The following MGAT4C variants were observed in gnomAD, a reference collection of about 807,000 sequenced individuals.
MGAT4C encodes the protein alpha-1,3-mannosyl-glycoprotein 4-beta-N-acetylglucosaminyltransferase C.
A neutral mutation model predicts 40.1 loss-of-function variants in MGAT4C; 19 were observed. The ratio of observed to expected loss-of-function variants is 0.47; its 90% confidence interval spans 0.33 to 0.70. The LOEUF (loss-of-function observed/expected upper bound fraction) is 0.70, where lower values mean the gene tolerates loss of function less well. Among genes scored for constraint, MGAT4C ranks in the 30% least tolerant of loss-of-function variants. MGAT4C has a pLI of 0.02. For missense variants in MGAT4C, 491 were observed against 563.2 expected, an observed-to-expected ratio of 0.87 and a Z score of 1.30; for synonymous variants, 181 against 187.1, an observed-to-expected ratio of 0.97 and a Z score of 0.27.
chr12:86,093,621 G>C (rs998781316), intron 1 of MGAT4C, among the ~76,000 whole-genome samples: 1 of 151,992 alleles, frequency 6.6e-6, no homozygotes, highest in South Asian at 2.1e-4. Context: ...CCAGCTACTC[G>C]GGAGGTTGAG....
intron 2 of MGAT4C, among the ~76,000 whole-genome samples, chr12:86,448,833 A>C (rs1338388118): frequency 6.6e-6 from 1 of 152,232 alleles, no homozygotes; most frequent in Non-Finnish European, 1.5e-5. Flanking sequence ...ATGAATGTTA[A>C]AACATACATT....
Position 86,535,698 on chromosome 12 carries a change from G to A in MGAT4C, c.-228-100433C>T, listed in dbSNP as rs796890975. ...AATCTAAACAATTAATCCTCCTGGA[G>A]CATTCCAATGAAATCACTAATAAGG... On this transcript the variant is annotated intron_variant, in intron 2 of 7. Transcript: ENST00000548651. Among the ~76,000 whole-genome samples the A allele has an allele frequency of 2.0e-4, 31 of 152,148 alleles. 1 individual carries two copies. Among genetic ancestry groups the A allele is most frequent in the African/African-American group, 7.5e-4 (31 of 41,540 alleles).
In MGAT4C at chr12:86,367,367, A is replaced by C. The variant is rs371312373; in HGVS notation, c.-119-33240T>G. 1.6e-3 allele frequency among the ~76,000 whole-genome samples: 244 copies of C among 152,300 alleles called. 1 individual carries two copies. The highest frequency in any genetic ancestry group is 5.6e-3 in the African/African-American group (234 of 41,578). ...GCTAAGATAGGAAAGCTAAAAGCAG[A>C]ATCCAGTGTTGGGGAGTATGCCAGC... On this transcript the variant is annotated intron_variant, in intron 3 of 7. Coordinates refer to the MGAT4C transcript ENST00000548651.
intron 2 of MGAT4C, among the ~76,000 whole-genome samples, chr12:86,544,820 T>C (rs1327795626): frequency 1.3e-5 from 2 of 152,076 alleles, no homozygotes; most frequent in Admixed American, 6.6e-5. Context: ...TAGTAGTGAA[T>C]TGTAGCATGT....
intron 2 of MGAT4C, among the ~76,000 whole-genome samples, chr12:86,496,488 A>G (rs1286801258): frequency 8.1e-6 from 1 of 123,446 alleles, no homozygotes; most frequent in Non-Finnish European, 2.0e-5. Context: ...TACATTATAC[A>G]GAGTCATGAA....
At chr12:86,229,713 C>G (rs921323059) in intron 1 of MGAT4C, among the ~76,000 whole-genome samples, 4 of 151,858 alleles carry the variant, frequency 2.6e-5, no homozygotes, top group African/African-American at 9.7e-5. Context: ...AGATGAGCAT[C>G]TTAAAATGGA....
At chr12:86,631,963 C>T (rs954990210) in intron 2 of MGAT4C, among the ~76,000 whole-genome samples, 4 of 152,040 alleles carry the variant, frequency 2.6e-5, no homozygotes, top group Non-Finnish European at 5.9e-5. Context: ...TCAGAGTGAA[C>T]AGGCAACCTA....
At chr12:86,587,322 T>C (rs1423698756) in intron 2 of MGAT4C, among the ~76,000 whole-genome samples, 5 of 152,140 alleles carry the variant, frequency 3.3e-5, no homozygotes, top group Non-Finnish European at 7.4e-5. Context: ...ATCTCTGTTT[T>C]AGTACCAGTA....
intron 2 of MGAT4C, among the ~76,000 whole-genome samples, chr12:86,679,158 A>G (rs1327395339): frequency 6.6e-6 from 1 of 151,896 alleles, no homozygotes; most frequent in Non-Finnish European, 1.5e-5. Flanking sequence ...TGTGGTTTTG[A>G]TTTGCATTTT....
chr12:86,425,543 C>T (rs1486094861), intron 3 of MGAT4C, among the ~76,000 whole-genome samples: 9 of 152,152 alleles, frequency 5.9e-5, no homozygotes, highest in African/African-American at 9.7e-5. Context: ...TAATAAATTA[C>T]GCAGTCTCCA....
intron 2 of MGAT4C, among the ~76,000 whole-genome samples, chr12:86,667,529 T>G (rs1215106634): frequency 6.6e-6 from 1 of 152,162 alleles, no homozygotes; most frequent in African/African-American, 2.4e-5. Flanking sequence ...TAGCATCAGT[T>G]TCATAAGCCA....
At chr12:86,824,604 A>T (rs961504624) in intron 1 of MGAT4C, among the ~76,000 whole-genome samples, 1 of 151,302 alleles carries the variant, frequency 6.6e-6, no homozygotes, top group African/African-American at 2.4e-5. Context: ...TTGAATCTGC[A>T]TCTTGAAAAG....
intron 2 of MGAT4C, among the ~76,000 whole-genome samples, chr12:86,441,439 C>T (rs891896409): frequency 1.3e-5 from 2 of 151,478 alleles, no homozygotes; most frequent in Non-Finnish European, 2.9e-5. Flanking sequence ...TGTTGGTGTG[C>T]TGCACCCATT....
At chr12:86,716,731 T>TGACA (rs1208520883) in intron 2 of MGAT4C, among the ~76,000 whole-genome samples, 1 of 152,136 alleles carries the variant, frequency 6.6e-6, no homozygotes, top group Admixed American at 6.6e-5. Flanking sequence ...TGTCAACTGA[T>TGACA]GACAGATACA....
At chr12:86,685,715 GGT>G (rs1950060946) in intron 2 of MGAT4C, among the ~76,000 whole-genome samples, 1 of 152,074 alleles carries the variant, frequency 6.6e-6, no homozygotes, top group Non-Finnish European at 1.5e-5. Context: ...TTTGAGCAGT[GGT>G]TTGTAGTTCT....
At chr12:86,790,609 A>G (rs1952006139) in intron 1 of MGAT4C, among the ~76,000 whole-genome samples, 1 of 152,108 alleles carries the variant, frequency 6.6e-6, no homozygotes, top group Non-Finnish European at 1.5e-5. Flanking sequence ...ATAATATCCC[A>G]TAGTTTTGAA....
At chr12:86,087,419 A>G (rs942585882) in intron 1 of MGAT4C, among the ~76,000 whole-genome samples, 1 of 151,986 alleles carries the variant, frequency 6.6e-6, no homozygotes, top group African/African-American at 2.4e-5. Context: ...TATTTAACTT[A>G]TTTTACAATT....
chr12:86,174,852 C>G (rs868510623), intron 1 of MGAT4C, among the ~76,000 whole-genome samples: 1 of 152,124 alleles, frequency 6.6e-6, no homozygotes, highest in Non-Finnish European at 1.5e-5. Context: ...AAGCTTAGAA[C>G]TCACATTAGT....
rs1882763589 is a variant in MGAT4C at position 85,955,780 on chromosome 12, C to T, written c.*23509G>A. On this transcript the variant is annotated 3_prime_UTR_variant, in exon 5 of 5. Transcript: ENST00000611864. ...TTGCAGACACAGGTATTAAAGCCAT[C>T]AAGCATACTGGTTCACCATGTTGCA... The T allele has an allele frequency of 6.6e-6, 1 of 152,094 alleles. No individual in the cohort carries two copies. Among genetic ancestry groups the T allele is most frequent in the African/African-American group, 2.4e-5 (1 of 41,412 alleles). The allele number at this position is 152,094 out of a possible 1,614,324, so 9.4% of individuals were successfully genotyped here.
Sources: allele counts gnomAD v4.1 joint callset (sites outside exome capture counted in the v4.1 genomes callset), GRCh38; gene constraint gnomAD v4.1.1; transcripts MANE v1.5; gene names NCBI Gene and HGNC (gene_info 2026-07-23, HGNC 2026-07-21).